The following AHI1 variants were observed in gnomAD, a reference collection of about 807,000 sequenced individuals.
AHI1 encodes the protein jouberin.
In AHI1, 123 loss-of-function variants were observed where a neutral mutation model predicts 149.3. That is an observed-to-expected ratio of 0.82 (90% CI 0.71 to 0.96). AHI1 has a LOEUF of 0.96. AHI1 is among the 40% of genes least tolerant of loss of function. The pLI is 0.00. For synonymous variants in AHI1, 475 were observed against 459.8 expected, an observed-to-expected ratio of 1.03 and a Z score of -0.42; for missense variants, 1,439 against 1,422.7, an observed-to-expected ratio of 1.01 and a Z score of -0.18.
chr6:135,426,680 C>G (rs568334691), intron 20 of AHI1, among the ~76,000 whole-genome samples: 1 of 151,356 alleles, frequency 6.6e-6, no homozygotes, highest in South Asian at 2.1e-4. Flanking sequence ...CCATACTGTC[C>G]CTGAAAAATA....
rs116988113 is a variant in AHI1 at position 135,368,486 on chromosome 6, G to A, written c.3110-10299C>T. Among the ~76,000 whole-genome samples the A allele has an allele frequency of 2.4e-4, 36 of 152,316 alleles. No individual in the cohort carries two copies. The East Asian group carries it at 6.9e-3, about 29-fold the overall frequency. On this transcript the variant is annotated intron_variant, in intron 23 of 28. Transcript: ENST00000265602. ...TCCTTTGTCTTAAGGTACCAGGACA[G>A]GTAGAGAAAGACCATGGTGGTGGTG... is the stretch of plus-strand genomic sequence containing the variant.
Position 135,490,817 on chromosome 6 carries a change from G to A in AHI1, c.11-70C>T, listed in dbSNP as rs1256650135. ...AACACACAACCTACACTACTAGGAT[G>A]TTAAGAAATAAGTTCTTGTAAATAT... is the stretch of plus-strand genomic sequence containing the variant. On this transcript the variant is annotated intron_variant, in intron 4 of 28. Coordinates refer to ENST00000265602, the MANE Select transcript of AHI1 (RefSeq NM_001134831.2). 2.0e-6 allele frequency: 3 copies of A among 1,524,296 alleles called. No individual in the cohort carries two copies. The East Asian group carries it at 6.9e-5, about 35-fold the overall frequency. 94.4% of individuals were successfully genotyped at this position (1,524,296 alleles called of 1,614,324 possible). A position where few individuals can be genotyped will look rare whatever the true frequency, so the allele number is the denominator to read the frequency against.
chr6:135,395,598 C>A (rs973426861), intron 22 of AHI1, among the ~76,000 whole-genome samples: 1 of 151,844 alleles, frequency 6.6e-6, no homozygotes, highest in Non-Finnish European at 1.5e-5. Flanking sequence ...AAATAGTTCA[C>A]TGAAAAAGCT....
At chr6:135,366,486 G>A (rs1001722924) in intron 23 of AHI1, among the ~76,000 whole-genome samples, 12 of 152,034 alleles carry the variant, frequency 7.9e-5, no homozygotes, top group Non-Finnish European at 1.5e-4. Flanking sequence ...TCTGTTCAGA[G>A]TTTCTATTTT....
chr6:135,482,894 C>CTTTTTTTTGTTTTTT (rs1793907719), intron 5 of AHI1, among the ~76,000 whole-genome samples: 1 of 55,734 alleles, frequency 1.8e-5, no homozygotes, highest in Non-Finnish European at 2.8e-5. Flanking sequence ...CCATTTAAGG[C>CTTTTTTTTGTTTTTT]TTTTTTTTTT....
intron 15 of AHI1, among the ~76,000 whole-genome samples, chr6:135,437,437 T>C (rs1785577763): frequency 6.6e-6 from 1 of 152,160 alleles, no homozygotes; most frequent in African/African-American, 2.4e-5. Context: ...AAAGGAGTAA[T>C]AGTAGGTTCC....
At chr6:135,467,458 A>G in intron 6 of AHI1, 123 bp downstream of exon 6, 1 of 755,420 alleles carries the variant, frequency 1.3e-6, no homozygotes, top group Non-Finnish European at 2.3e-6. Context: ...TGATAAAAAT[A>G]AAAGTTTAAC....
At chr6:135,348,273 C>T (rs1791558447) in intron 24 of AHI1, among the ~76,000 whole-genome samples, 1 of 152,124 alleles carries the variant, frequency 6.6e-6, no homozygotes, top group Admixed American at 6.5e-5. Context: ...TTAAATTTCT[C>T]CCCAAATGGA....
intron 20 of AHI1, among the ~76,000 whole-genome samples, chr6:135,414,079 T>C (rs1256060376): frequency 6.6e-6 from 1 of 152,162 alleles, no homozygotes; most frequent in Non-Finnish European, 1.5e-5. Flanking sequence ...CTTCAAATCC[T>C]ATAAAGCTAC....
At chr6:135,396,213 G>T (rs766195801) in intron 22 of AHI1, among the ~76,000 whole-genome samples, 3 of 151,660 alleles carry the variant, frequency 2.0e-5, no homozygotes, top group Non-Finnish European at 4.4e-5. Context: ...TACCACATCA[G>T]TCCTAAAATA....
chr6:135,448,702 T>C (rs1787621811), intron 11 of AHI1, among the ~76,000 whole-genome samples: 1 of 152,184 alleles, frequency 6.6e-6, no homozygotes, highest in African/African-American at 2.4e-5. Flanking sequence ...ATAGCTCTCT[T>C]TTCACGTGTA....
chr6:135,332,830 T>TC (rs1350964290), intron 24 of AHI1, among the ~76,000 whole-genome samples: 1 of 152,202 alleles, frequency 6.6e-6, no homozygotes, highest in East Asian at 1.9e-4. Flanking sequence ...TCTTTGTTTC[T>TC]CCCCCCGTTC....
intron 26 of AHI1, among the ~76,000 whole-genome samples, chr6:135,308,749 T>C (rs556764058): frequency 6.6e-6 from 1 of 152,316 alleles, no homozygotes; most frequent in East Asian, 1.9e-4. Flanking sequence ...GGTTATTCTG[T>C]GAAACTTTTA....
intron 26 of AHI1, among the ~76,000 whole-genome samples, chr6:135,309,605 C>A (rs1038128148): frequency 6.6e-6 from 1 of 151,828 alleles, no homozygotes; most frequent in South Asian, 2.1e-4. Context: ...GCCTCAGCCT[C>A]CGAGTAGCTG....
At chr6:135,357,209 T>C (rs933384751) in intron 24 of AHI1, among the ~76,000 whole-genome samples, 3 of 152,258 alleles carry the variant, frequency 2.0e-5, no homozygotes, top group Admixed American at 6.5e-5. Flanking sequence ...AGTGCTGGGA[T>C]TACAGGCGTG....
chr6:135,387,771 A>G, intron 23 of AHI1: 2 of 1,236,114 alleles, frequency 1.6e-6, no homozygotes, highest in South Asian at 3.7e-5. Flanking sequence ...AAAAAAATCA[A>G]AAAAGCCTCC....
At chr6:135,365,154 TTCTC>T (rs1773987630) in intron 23 of AHI1, among the ~76,000 whole-genome samples, 1 of 152,210 alleles carries the variant, frequency 6.6e-6, no homozygotes, top group South Asian at 2.1e-4. Flanking sequence ...TATTTCTGGG[TTCTC>T]TATTCTGTTT....
At chr6:135,393,003 G>A (rs376793067) in intron 23 of AHI1, among the ~76,000 whole-genome samples, 12 of 152,140 alleles carry the variant, frequency 7.9e-5, no homozygotes, top group African/African-American at 2.4e-4. Flanking sequence ...AGAAAGATAC[G>A]CCTTAAAATG....
intron 27 of AHI1, among the ~76,000 whole-genome samples, chr6:135,298,491 T>C (rs930437488): frequency 3.9e-5 from 6 of 152,152 alleles, no homozygotes; most frequent in Non-Finnish European, 8.8e-5. Flanking sequence ...CTCTGTCCAT[T>C]TACTTGGGTA....
Sources: allele counts gnomAD v4.1 joint callset (sites outside exome capture counted in the v4.1 genomes callset), GRCh38; gene constraint gnomAD v4.1.1; transcripts MANE v1.5; gene names NCBI Gene and HGNC (gene_info 2026-07-23, HGNC 2026-07-21).